CDC42EP5: variants seen among roughly 807,000 people sequenced by gnomAD.
CDC42EP5 encodes CDC42 effector protein 5, also known as CDC42 effector protein (Rho GTPase binding) 5.
For missense variants in CDC42EP5, 269 were observed against 238.0 expected, an observed-to-expected ratio of 1.13 and a Z score of -0.86; for synonymous variants, 118 against 123.3, an observed-to-expected ratio of 0.96 and a Z score of 0.28.
At chr19:54,471,211 C>A (rs1434154837) in intron 2 of CDC42EP5, among the ~76,000 whole-genome samples, 5 of 152,126 alleles carry the variant, frequency 3.3e-5, no homozygotes, top group Non-Finnish European at 4.4e-5. Context: ...GCCGCGCGTT[C>A]TCCCCCCGCC....
chr19:54,465,771 G>C (rs2084749454), intron 2 of CDC42EP5, among the ~76,000 whole-genome samples: 1 of 152,146 alleles, frequency 6.6e-6, no homozygotes, highest in Admixed American at 6.5e-5. Context: ...GAGTAGCTGG[G>C]ATTACAGGCA....
Position 54,465,116 on chromosome 19 carries a change from G to A in CDC42EP5, c.432C>T (p.Asp144=), listed in dbSNP as rs1164418872. The change falls in exon 3 of 3, where the codon GAC becomes GAT. Residue 144 remains aspartate (D), a synonymous_variant. Coordinates refer to ENST00000301200, the MANE Select transcript of CDC42EP5 (RefSeq NM_145057.4). ...ATGAGGGAACCTAGAGGCCGATGACGTCGTTCAGCTCGAGGTCCGCGTTGG... is the reference window on the plus strand; with the variant it reads ...ATGAGGGAACCTAGAGGCCGATGACATCGTTCAGCTCGAGGTCCGCGTTGG... ...CRPNADLELN[D]VIGL is the part of the protein sequence containing the mutation. 3.7e-5 allele frequency: 51 copies of A among 1,378,822 alleles called. No homozygotes were observed. The highest frequency in any genetic ancestry group is 4.4e-5 in the Non-Finnish European group (47 of 1,069,722). 85.4% of individuals were successfully genotyped at this position (1,378,822 alleles called of 1,614,324 possible). A position where few individuals can be genotyped will look rare whatever the true frequency, so the allele number is the denominator to read the frequency against.
chr19:54,466,473 T>A (rs2084757497), intron 2 of CDC42EP5, among the ~76,000 whole-genome samples: 1 of 152,150 alleles, frequency 6.6e-6, no homozygotes, highest in Non-Finnish European at 1.5e-5. Flanking sequence ...CTCCAGCTTG[T>A]CAAAAATGGA....
chr19:54,469,707 C>G (rs2084809432), intron 2 of CDC42EP5, among the ~76,000 whole-genome samples: 1 of 152,240 alleles, frequency 6.6e-6, no homozygotes, highest in African/African-American at 2.4e-5. Flanking sequence ...TCGGATCATT[C>G]TCCCAGTGTT....
rs944966996 is a variant in CDC42EP5, at chr19:54,465,350, C to T, written c.198G>A (p.Gly66=). The T allele has an allele frequency of 9.6e-5, 111 of 1,161,634 alleles. No individual in the cohort carries two copies. The African/African-American group carries it at 1.6e-3, about 17-fold the overall frequency. 72.0% of individuals were successfully genotyped at this position (1,161,634 alleles called of 1,614,324 possible). The part of the protein sequence containing the change: ...PPPEPRAPPA[G]APRSPPPPAV... The stretch of plus-strand genomic sequence containing the variant: ...CGGGCGGCGGCGGGGAGCGCGGGGC[C>T]CCCGCGGGGGGCGCCCGGGGCTCGG... The change falls in exon 3 of 3, where the codon GGG becomes GGA. Residue 66 remains glycine (G), a synonymous_variant. Coordinates refer to ENST00000301200, the MANE Select transcript of CDC42EP5 (RefSeq NM_145057.4).
chr19:54,469,427 T>C (rs898937941), intron 2 of CDC42EP5, among the ~76,000 whole-genome samples: 2 of 152,224 alleles, frequency 1.3e-5, no homozygotes, highest in Admixed American at 6.5e-5. Context: ...ATCTCAGCAC[T>C]TGCTCTGCTG....
chr19:54,466,320 G>GT (rs1162590894), intron 2 of CDC42EP5, among the ~76,000 whole-genome samples: 2 of 152,162 alleles, frequency 1.3e-5, no homozygotes, highest in Non-Finnish European at 2.9e-5. Context: ...GCGCATGCCT[G>GT]TAATCCCAGC....
intron 2 of CDC42EP5, among the ~76,000 whole-genome samples, chr19:54,469,225 A>G (rs749371463): frequency 1.3e-4 from 20 of 151,068 alleles, no homozygotes; most frequent in Non-Finnish European, 2.7e-4. Flanking sequence ...CGAACTCCTG[A>G]TCTCGTGATC....
chr19:54,469,290 G>A (rs1322327911), intron 2 of CDC42EP5, among the ~76,000 whole-genome samples: 1 of 151,910 alleles, frequency 6.6e-6, no homozygotes, highest in African/African-American at 2.4e-5. Flanking sequence ...CACCACACCC[G>A]GCCCCTACTC....
chr19:54,468,912 C>T (rs1242115401), intron 2 of CDC42EP5, among the ~76,000 whole-genome samples: 1 of 67,182 alleles, frequency 1.5e-5, no homozygotes, highest in East Asian at 1.1e-3. Context: ...TCCTTCCTTC[C>T]TTCCTTCCTT....
rs1404187982 is a variant in CDC42EP5 at position 54,465,464 on chromosome 19, G to T, written c.84C>A (p.Gly28=). The T allele has an allele frequency of 1.9e-5, 29 of 1,517,172 alleles. 1 individual carries two copies. The highest frequency in any genetic ancestry group is 2.4e-5 in the Non-Finnish European group (28 of 1,144,384). 94.0% of individuals were successfully genotyped at this position (1,517,172 alleles called of 1,614,324 possible). Reference sequence around the variant, plus strand: ...CCACGTGCAGCGTGTGCCGGAAGTCGCCGAGCGGCGCGGAGATGGACAGGG... The same window carrying T: ...CCACGTGCAGCGTGTGCCGGAAGTCTCCGAGCGGCGCGGAGATGGACAGGG... ...RGALSISAPL[G]DFRHTLHVGR... Residue 28 remains glycine (G), a synonymous_variant, in exon 3 of 3, where the codon GGC becomes GGA. Coordinates refer to ENST00000301200, the MANE Select transcript of CDC42EP5 (RefSeq NM_145057.4).
chr19:54,467,471 C>T (rs1420396576), intron 2 of CDC42EP5, among the ~76,000 whole-genome samples: 1 of 151,492 alleles, frequency 6.6e-6, no homozygotes, highest in Non-Finnish European at 1.5e-5. Flanking sequence ...AATAAAAAGC[C>T]CTATGTTAAA....
chr19:54,465,784 C>T (rs373566451), intron 2 of CDC42EP5, among the ~76,000 whole-genome samples: 45 of 152,250 alleles, frequency 3.0e-4, no homozygotes, highest in African/African-American at 1.1e-3. Flanking sequence ...TACAGGCACC[C>T]GCCACCATAC....
chr19:54,471,022 G>A (rs1407227580), intron 2 of CDC42EP5, among the ~76,000 whole-genome samples: 3 of 152,152 alleles, frequency 2.0e-5, no homozygotes, highest in Non-Finnish European at 4.4e-5. Flanking sequence ...GCCAGCCTGG[G>A]TGTCCTCTTA....
At position 54,466,064 on chromosome 19, in the gene CDC42EP5, C is replaced by T. The variant is rs1569322683; in HGVS notation, c.1-517G>A. Among the ~76,000 whole-genome samples the T allele has an allele frequency of 3.3e-5, 5 of 152,196 alleles. No homozygotes were observed. In the South Asian group the frequency reaches 8.3e-4, roughly 25 times the overall value. ...CATGCTATGCCGATCCTCCTGAGAG[C>T]GAATACTTGAGCCTTCCTAGAGGTC... On this transcript the variant is annotated intron_variant, in intron 2 of 2. Coordinates refer to ENST00000301200, the MANE Select transcript of CDC42EP5 (RefSeq NM_145057.4).
chr19:54,468,946 TCCC>T (rs2084797802), intron 2 of CDC42EP5, among the ~76,000 whole-genome samples: 3 of 149,248 alleles, frequency 2.0e-5, no homozygotes. Context: ...CTTCCCTCCC[TCCC>T]TCCTTCCTTC....
At chr19:54,465,824 G>A (rs1425045708) in intron 2 of CDC42EP5, among the ~76,000 whole-genome samples, 2 of 151,946 alleles carry the variant, frequency 1.3e-5, no homozygotes, top group Non-Finnish European at 2.9e-5. Flanking sequence ...TTGTAGAGAC[G>A]GGGTTTCACA....
chr19:54,468,969 TTTTC>T (rs1490381533), intron 2 of CDC42EP5, among the ~76,000 whole-genome samples: 15 of 144,796 alleles, frequency 1.0e-4, no homozygotes, highest in South Asian at 2.3e-4. Flanking sequence ...CCTTCCTTTC[TTTTC>T]TTTCTTTCTC....
chr19:54,467,220 G>A (rs1009654493), intron 2 of CDC42EP5, among the ~76,000 whole-genome samples: 4 of 151,120 alleles, frequency 2.6e-5, no homozygotes, highest in East Asian at 2.0e-4. Context: ...AGGCTGAAGC[G>A]GGTGGATCAC....
Sources: gnomAD v4.1 joint callset for allele counts (sites outside exome capture counted in the v4.1 genomes callset) on GRCh38, gnomAD v4.1.1 for gene constraint, MANE v1.5 for transcripts, NCBI Gene and HGNC (gene_info 2026-07-23, HGNC 2026-07-21) for gene names.